AKAP8: variants seen among roughly 807,000 people sequenced by gnomAD.
AKAP8 encodes A-kinase anchoring protein 8, also known as A-kinase anchor protein 8.
In AKAP8, 24 loss-of-function variants were observed where a neutral mutation model predicts 67.5. The observed-to-expected ratio is 0.36, with a 90% CI of 0.26 to 0.50. AKAP8 has a LOEUF of 0.50. Among genes scored for constraint, AKAP8 ranks in the 20% least tolerant of loss-of-function variants. AKAP8 has a pLI of 0.97. For missense variants in AKAP8, 971 were observed against 955.9 expected (o/e 1.02, Z -0.21); for synonymous variants, 400 against 371.1 (o/e 1.08, Z -0.90).
At chr19:15,367,206 C>T (rs1244128429) in intron 9 of AKAP8, among the ~76,000 whole-genome samples, 2 of 152,164 alleles carry the variant, frequency 1.3e-5, no homozygotes, top group Non-Finnish European at 2.9e-5. Flanking sequence ...GCATCTGGCC[C>T]CTTTTACTAA....
intron 12 of AKAP8, among the ~76,000 whole-genome samples, chr19:15,359,406 A>T (rs1486327255): frequency 6.6e-6 from 1 of 152,214 alleles, no homozygotes; most frequent in Non-Finnish European, 1.5e-5. Flanking sequence ...GGTTACATTG[A>T]TTTCATAAGT....
intron 1 of AKAP8, chr19:15,379,503 G>C (rs1967331823): frequency 4.0e-6 from 2 of 502,984 alleles, no homozygotes; most frequent in Non-Finnish European, 6.7e-6. Context: ...CCTCCTCGGG[G>C]CCTGGCGGCC....
Position 15,373,111 on chromosome 19 carries a change from G to T in AKAP8, c.601C>A (p.Pro201Thr), listed in dbSNP as rs995910484. 2 of 1,612,624 alleles carry T rather than the reference G, an allele frequency of 1.2e-6. No homozygotes were observed. Among genetic ancestry groups the T allele is most frequent in the African/African-American group, 2.7e-5 (2 of 75,032 alleles). ...GQGRFQDRSN[P>T]GTFMRSDPFV... Reference sequence around the variant, plus strand: ...GGGTCGCTGCGCATGAAGGTGCCAGGGTTGCTCCGGTCCTGGAAGCGGCCC... The same window carrying T: ...GGGTCGCTGCGCATGAAGGTGCCAGTGTTGCTCCGGTCCTGGAAGCGGCCC... Residue 201 changes from proline to threonine, a missense_variant, in exon 5 of 14, where the codon CCT becomes ACT. Physicochemically the swap from Pro to Thr is conservative, Grantham distance 38. This residue lies in a region of AKAP8 where 763 missense variants were observed against 745.4 expected (regional missense o/e 1.02). Transcript: ENST00000269701.
intron 9 of AKAP8, among the ~76,000 whole-genome samples, chr19:15,363,850 G>A (rs1482627374): frequency 6.6e-6 from 1 of 151,600 alleles, no homozygotes; most frequent in Admixed American, 6.6e-5. Flanking sequence ...GTTGATCTGT[G>A]ACCTTACCCC....
intron 1 of AKAP8, among the ~76,000 whole-genome samples, chr19:15,377,870 C>A (rs1313655436): frequency 1.3e-5 from 2 of 152,076 alleles, no homozygotes; most frequent in East Asian, 1.9e-4. Flanking sequence ...CCCCTCCACA[C>A]CCCCCGCCCA....
chr19:15,363,342 C>T (rs1366343417), intron 9 of AKAP8, among the ~76,000 whole-genome samples: 8 of 76,346 alleles, frequency 1.0e-4, no homozygotes, highest in Non-Finnish European at 1.5e-4. Context: ...CCGCTCCGTC[C>T]GGGAGGGAGG....
chr19:15,377,429 T>C (rs921304198), intron 1 of AKAP8, among the ~76,000 whole-genome samples: 3 of 152,242 alleles, frequency 2.0e-5, no homozygotes, highest in Non-Finnish European at 4.4e-5. Context: ...AGCATGGGAA[T>C]TTAGTGACAT....
At chr19:15,374,515 C>T in intron 3 of AKAP8, 88 bp downstream of exon 3, 4 of 1,500,164 alleles carry the variant, frequency 2.7e-6, no homozygotes, top group Non-Finnish European at 3.6e-6. Context: ...AAAGTCCACG[C>T]CAGACCTCCC....
At chr19:15,360,724 G>T (rs569213308) in intron 12 of AKAP8, 124 bp downstream of exon 12, 2 of 1,224,862 alleles carry the variant, frequency 1.6e-6, no homozygotes, top group South Asian at 1.7e-5. Flanking sequence ...CCCATCGATG[G>T]AAGTGATAGA....
intron 13 of AKAP8, among the ~76,000 whole-genome samples, chr19:15,356,546 C>T (rs1049269611): frequency 1.3e-4 from 20 of 150,032 alleles, no homozygotes; most frequent in Non-Finnish European, 2.4e-4. Flanking sequence ...GGAGGACTGC[C>T]GGAGCTCAGG....
rs201453989 is a variant in AKAP8 at position 15,361,785 on chromosome 19, C to T, written c.1340G>A (p.Arg447Gln). ...TTCTTTCTCCATCAATTCCTGACGCCGCTTCTCAATTTTCTTATTTCTGTT... is the reference window on the plus strand; with the variant it reads ...TTCTTTCTCCATCAATTCCTGACGCTGCTTCTCAATTTTCTTATTTCTGTT... ...IVNRNKKIEK[R>Q]RQELMEKETA... Residue 447 changes from arginine to glutamine, a missense_variant, in exon 11 of 14, where the codon CGG (arginine) becomes CAG (glutamine). By Grantham distance (43) the Arg-to-Gln change is conservative. Around this residue, in one of 3 missense-constraint regions of AKAP8, gnomAD observed 763 missense variants for 745.4 expected, o/e 1.02. Coordinates refer to ENST00000269701, the MANE Select transcript of AKAP8 (RefSeq NM_005858.4). 2.5e-5 allele frequency: 41 copies of T among 1,613,942 alleles called. No individual in the cohort carries two copies. Among genetic ancestry groups the T allele is most frequent in the Admixed American group, 1.3e-4 (8 of 59,988 alleles).
intron 9 of AKAP8, among the ~76,000 whole-genome samples, chr19:15,363,624 C>T (rs1967018019): frequency 6.6e-6 from 1 of 151,344 alleles, no homozygotes. Context: ...GTGAGGAGCC[C>T]CTCTGCCCAG....
intron 9 of AKAP8, among the ~76,000 whole-genome samples, chr19:15,366,063 A>G (rs1967062303): frequency 1.4e-5 from 2 of 142,414 alleles, no homozygotes; most frequent in African/African-American, 5.2e-5. Context: ...ATCCTCAGTC[A>G]CTAGCGCACA....
chr19:15,359,732 A>G (rs1189105149), intron 12 of AKAP8, among the ~76,000 whole-genome samples: 1 of 152,072 alleles, frequency 6.6e-6, no homozygotes, highest in African/African-American at 2.4e-5. Context: ...AAACAAAAAC[A>G]AAAACAAAAA....
intron 8 of AKAP8, chr19:15,368,769 T>C: frequency 1.0e-6 from 1 of 985,350 alleles, no homozygotes; most frequent in Non-Finnish European, 1.2e-6. Flanking sequence ...CACCTCTAGG[T>C]GGACTGTGAC....
intron 13 of AKAP8, among the ~76,000 whole-genome samples, chr19:15,358,129 A>G (rs1446412905): frequency 6.6e-6 from 1 of 152,186 alleles, no homozygotes; most frequent in Admixed American, 6.6e-5. Context: ...CCCAAATGCT[A>G]AAGTCCTGGG....
intron 10 of AKAP8, 115 bp downstream of exon 10, chr19:15,361,995 T>C: frequency 2.0e-6 from 3 of 1,464,000 alleles, no homozygotes; most frequent in South Asian, 1.3e-5. Flanking sequence ...AGCTACTCTA[T>C]CTGGGAAAGG....
At chr19:15,374,461 A>G (rs1967217684) in intron 3 of AKAP8, 142 bp downstream of exon 3, 1 of 1,025,506 alleles carries the variant, frequency 9.8e-7, no homozygotes, top group African/African-American at 1.6e-5. Flanking sequence ...CCCCATATAC[A>G]CAACAGCAGC....
chr19:15,370,259 G>GCCCA, intron 7 of AKAP8, 80 bp from the exon 8 acceptor site: 1 of 1,532,726 alleles, frequency 6.5e-7, no homozygotes, highest in Non-Finnish European at 9.0e-7. Context: ...CCTGGCCACT[G>GCCCA]CCTGGTGGGC....
Sources: gnomAD v4.1 joint callset for allele counts (sites outside exome capture counted in the v4.1 genomes callset) on GRCh38, gnomAD v4.1.1 for gene constraint, gnomAD v4.1.1 regional missense constraint, MANE v1.5 for transcripts, NCBI Gene and HGNC (gene_info 2026-07-23, HGNC 2026-07-21) for gene names.